CHRNA4: variants seen among roughly 807,000 people sequenced by gnomAD.
CHRNA4 encodes the protein neuronal acetylcholine receptor subunit alpha-4.
CHRNA4 carries 28 observed loss-of-function variants against 48.9 expected under a neutral mutation model. The observed-to-expected ratio is 0.57, with a 90% CI of 0.42 to 0.79. The LOEUF is 0.79. CHRNA4 is among the 30% of genes least tolerant of loss of function. The pLI is 0.00. For missense variants in CHRNA4, 859 were observed against 898.4 expected (o/e 0.96, Z 0.56); for synonymous variants, 425 against 402.3 (o/e 1.06, Z -0.68).
In CHRNA4 at chr20:63,345,016, G is replaced by T. The variant is rs186361167; in HGVS notation, c.*1722C>A. 50 of 445,570 alleles carry T rather than the reference G, an allele frequency of 1.1e-4. No individual in the cohort carries two copies. Among genetic ancestry groups the T allele is most frequent in the African/African-American group, 9.6e-4 (48 of 49,970 alleles). The allele number at this position is 445,570 out of a possible 1,614,324, so 27.6% of individuals were successfully genotyped here. Reference sequence around the variant, plus strand: ...ACCCCGGTCACAGGCACCCGGGGGTGGGGGTGACCAGCAGCAGTTCAGAGG... The same window carrying T: ...ACCCCGGTCACAGGCACCCGGGGGTTGGGGTGACCAGCAGCAGTTCAGAGG... On this transcript the variant is annotated 3_prime_UTR_variant, in exon 6 of 6. Transcript: ENST00000370263. This position sits in a 1 kb window ranked among gnomAD's most constrained non-coding sequence, Gnocchi z 5.4.
At position 63,349,912 on chromosome 20, in the gene CHRNA4, G is replaced by A; in HGVS notation, c.1499C>T (p.Pro500Leu). 6.3e-7 allele frequency: 1 copy of A among 1,595,582 alleles called. No homozygotes were observed. Among genetic ancestry groups the A allele is most frequent in the Non-Finnish European group, 8.5e-7 (1 of 1,170,098 alleles). Residue 500 changes from proline (P) to leucine (L), a missense_variant, in exon 5 of 6, where the codon CCC becomes CTC. Physicochemically the swap from Pro to Leu is moderately conservative, Grantham distance 98. Coordinates refer to ENST00000370263, the MANE Select transcript of CHRNA4 (RefSeq NM_000744.7). ...GCCGGCAGCCTGGCCATCTGCCTCG[G>A]GGGCGGCATCGTCTCGGGGAACACA... Reference protein sequence around the residue: ...QYCVPRDDAAPEADGQAAGAL... With the variant: ...QYCVPRDDAALEADGQAAGAL...
chr20:63,349,091 C>T (rs966806183), intron 5 of CHRNA4, among the ~76,000 whole-genome samples: 6 of 152,152 alleles, frequency 3.9e-5, no homozygotes, highest in Non-Finnish European at 8.8e-5. Context: ...TCCCACCTGT[C>T]CCCAGCTTGG....
chr20:63,349,012 G>A (rs568122739), intron 5 of CHRNA4, among the ~76,000 whole-genome samples: 1 of 152,278 alleles, frequency 6.6e-6, no homozygotes, highest in East Asian at 1.9e-4. Context: ...GGTGAGGGTA[G>A]GTGGGCTGGC....
intron 4 of CHRNA4, among the ~76,000 whole-genome samples, chr20:63,353,949 T>TC (rs1212072782): frequency 0.015 from 186 of 12,678 alleles, 12 homozygotes; most frequent in African/African-American, 0.049. Flanking sequence ...GCTGTGACCC[T>TC]CGGGGGGGCT....
chr20:63,351,204 A>AGCTACG (rs2068603301), intron 4 of CHRNA4, 177 bp from the exon 5 acceptor site: 1 of 519,692 alleles, frequency 1.9e-6, no homozygotes, highest in African/African-American at 2.4e-5. Context: ...CCACATCCAC[A>AGCTACG]CCCACGTCCA....
chr20:63,355,919 G>A, intron 4 of CHRNA4, 56 bp downstream of exon 4: 1 of 1,601,406 alleles, frequency 6.2e-7, no homozygotes, highest in South Asian at 1.1e-5. Flanking sequence ...GGCAGGCCCT[G>A]GCCACTCCTG....
chr20:63,360,927 G>C (rs1270416413), intron 1 of CHRNA4, 163 bp downstream of exon 1: 2 of 542,770 alleles, frequency 3.7e-6, no homozygotes, highest in Admixed American at 4.4e-5. Flanking sequence ...GCCCGGGTGC[G>C]AGCGCAGCCT....
chr20:63,357,580 C>T (rs1411033232), intron 2 of CHRNA4, among the ~76,000 whole-genome samples: 1 of 152,252 alleles, frequency 6.6e-6, no homozygotes, highest in African/African-American at 2.4e-5. Flanking sequence ...CCCTCCCCTC[C>T]AGGACAGACC....
At chr20:63,355,585 C>A in intron 4 of CHRNA4, 1 of 1,302,818 alleles carries the variant, frequency 7.7e-7, no homozygotes, top group Non-Finnish European at 1.0e-6. Flanking sequence ...CCCAAAAGGG[C>A]TCTCCTGCAG....
intron 4 of CHRNA4, chr20:63,355,464 A>C: frequency 8.2e-7 from 1 of 1,214,876 alleles, no homozygotes; most frequent in Non-Finnish European, 1.1e-6. Context: ...CAGAGGCCCT[A>C]GTGGCATGAG....
chr20:63,347,318 C>T (rs377710424), intron 5 of CHRNA4, among the ~76,000 whole-genome samples: 2 of 152,202 alleles, frequency 1.3e-5, no homozygotes, highest in Non-Finnish European at 2.9e-5. Context: ...GCCCGGTGGG[C>T]GCACAGAGGG....
chr20:63,354,745 C>T, intron 4 of CHRNA4: 3 of 630,938 alleles, frequency 4.8e-6, no homozygotes, highest in Non-Finnish European at 5.9e-6. Context: ...CTGGGCGTTT[C>T]CACTTCTCCC....
intron 5 of CHRNA4, among the ~76,000 whole-genome samples, chr20:63,348,214 G>A (rs941014272): frequency 3.3e-5 from 5 of 152,218 alleles, no homozygotes; most frequent in Admixed American, 6.5e-5. Flanking sequence ...CAGGGCGCGC[G>A]ACCGCCGAGC....
intron 4 of CHRNA4, chr20:63,354,666 G>A (rs971597942): frequency 3.3e-5 from 32 of 983,114 alleles, no homozygotes; most frequent in Admixed American, 6.2e-5. Context: ...CAGAGGCTTC[G>A]TTCCTGGGGG....
At chr20:63,349,488 A>C (rs1028892526) in intron 5 of CHRNA4, 165 bp downstream of exon 5, 3 of 916,440 alleles carry the variant, frequency 3.3e-6, no homozygotes, top group Non-Finnish European at 5.0e-6. Context: ...GCGGCCACAT[A>C]GCAGGCTTGG....
At position 63,361,290 on chromosome 20, in the gene CHRNA4, C is replaced by G. The variant is rs1490204148; in HGVS notation, c.-125G>C. 1.2e-5 allele frequency: 16 copies of G among 1,343,136 alleles called. No individual in the cohort carries two copies. Among genetic ancestry groups the G allele is most frequent in the Non-Finnish European group, 1.5e-5 (16 of 1,049,094 alleles). The allele number at this position is 1,343,136 out of a possible 1,614,324, so 83.2% of individuals were successfully genotyped here. On this transcript the variant is annotated 5_prime_UTR_variant, in exon 1 of 6. Coordinates refer to ENST00000370263, the MANE Select transcript of CHRNA4 (RefSeq NM_000744.7). Reference sequence around the variant, plus strand: ...GCCGCTTCGGCCGCCGGGCCCGGTTCGTCTTCTCCTGTGGGGCGCGGTGCG... The same window carrying G: ...GCCGCTTCGGCCGCCGGGCCCGGTTGGTCTTCTCCTGTGGGGCGCGGTGCG...
rs2068561632 is a variant in CHRNA4 at position 63,350,034 on chromosome 20, C to G, written c.1377G>C (p.Gly459=). The change falls in exon 5 of 6, where the codon GGG becomes GGC. Residue 459 remains glycine (G), a synonymous_variant. Transcript: ENST00000370263. ...CGCTGAGGGACCTGGCTTTGGCCAGCCCTGGTGCCTGGGTGCCGTGGGGCG... is the reference window on the plus strand; with the variant it reads ...CGCTGAGGGACCTGGCTTTGGCCAGGCCTGGTGCCTGGGTGCCGTGGGGCG... ...CRPPHGTQAP[G]LAKARSLSVQ... 1 of 1,519,100 alleles carries G rather than the reference C, an allele frequency of 6.6e-7. No homozygotes were observed. The allele number at this position is 1,519,100 out of a possible 1,614,324, so 94.1% of individuals were successfully genotyped here.
chr20:63,351,152 CACG>C (rs2068596242), intron 4 of CHRNA4, 125 bp from the exon 5 acceptor site: 1 of 924,750 alleles, frequency 1.1e-6, no homozygotes, highest in African/African-American at 1.6e-5. Flanking sequence ...CATCCACGTC[CACG>C]CCCACATCCA....
At position 63,359,416 on chromosome 20, in the gene CHRNA4, C is replaced by T. The variant is rs557896661; in HGVS notation, c.228+132G>A. 940 of 1,186,778 alleles carry T rather than the reference C, an allele frequency of 7.9e-4. 1 individual carries two copies. The highest frequency in any genetic ancestry group is 6.3e-3 in the African/African-American group (418 of 66,832). 73.5% of individuals were successfully genotyped at this position (1,186,778 alleles called of 1,614,324 possible). On this transcript the variant is annotated intron_variant, in intron 2 of 5. Coordinates refer to ENST00000370263, the MANE Select transcript of CHRNA4 (RefSeq NM_000744.7). ...GCAGAGCTGGTGGCTGTCGTTCTGA[C>T]GTACCAGCCCGGGCCGGACACTCAC...
Sources: allele counts gnomAD v4.1 joint callset (sites outside exome capture counted in the v4.1 genomes callset), GRCh38; gene constraint gnomAD v4.1.1; non-coding constraint Gnocchi (gnomAD v3.1); transcripts MANE v1.5; gene names NCBI Gene and HGNC (gene_info 2026-07-23, HGNC 2026-07-21).